MED24: variants seen among roughly 807,000 people sequenced by gnomAD.
MED24 encodes mediator of RNA polymerase II transcription subunit 24.
MED24 carries 74 observed loss-of-function variants against 118.8 expected under a neutral mutation model. The ratio of observed to expected loss-of-function variants is 0.62; its 90% confidence interval spans 0.52 to 0.76. The LOEUF (loss-of-function observed/expected upper bound fraction) is 0.76, where lower values mean the gene tolerates loss of function less well. Ranked by LOEUF, MED24 falls within the 30% of genes least tolerant of loss-of-function variation. MED24 has a pLI of 0.00. For missense variants in MED24, 1,041 were observed against 1,278.9 expected, an observed-to-expected ratio of 0.81 and a Z score of 2.84; for synonymous variants, 521 against 523.9, an observed-to-expected ratio of 0.99 and a Z score of 0.08.
At chr17:40,043,015 G>T (rs1234195706) in intron 3 of MED24, among the ~76,000 whole-genome samples, 2 of 152,216 alleles carry the variant, frequency 1.3e-5, no homozygotes, top group Admixed American at 1.3e-4. Flanking sequence ...GCAGTGATGT[G>T]ATCTCAGCTC....
chr17:40,040,601 GTTT>G (rs925864207), intron 3 of MED24, among the ~76,000 whole-genome samples: 103 of 143,392 alleles, frequency 7.2e-4, no homozygotes, highest in African/African-American at 2.6e-3. Flanking sequence ...ACATATAAAA[GTTT>G]TTTTTTTTAA....
Position 40,021,565 on chromosome 17 carries a change from C to T in MED24, c.2623+390G>A, listed in dbSNP as rs546202089. Among the ~76,000 whole-genome samples, 310 of 152,344 alleles carry T rather than the reference C, an allele frequency of 2.0e-3. 5 individuals carry two copies. Among genetic ancestry groups the T allele is most frequent in the Middle Eastern group, 0.017 (5 of 294 alleles). ...CCCCATGCCCCAGCCCGGGCCTCTCCGGGCATGTTTTGGGGGAAGGAAGGA... is the reference window on the plus strand; with the variant it reads ...CCCCATGCCCCAGCCCGGGCCTCTCTGGGCATGTTTTGGGGGAAGGAAGGA... On this transcript the variant is annotated intron_variant, in intron 23 of 25. Coordinates refer to ENST00000394128, the MANE Select transcript of MED24 (RefSeq NM_014815.4).
At position 40,019,809 on chromosome 17, in the gene MED24, GAC is replaced by G; in HGVS notation, c.2827_2828del (p.Val943ProfsTer41). Reference sequence around the variant, plus strand: ...CGGTGGTGAAGGGCATGAACTGCAGGACGCTGCCACGGCCACCCTGCTCCAGG... The same window carrying G: ...CGGTGGTGAAGGGCATGAACTGCAGGGCTGCCACGGCCACCCTGCTCCAGG... The part of the protein sequence containing the change: ...DCLEQGGRGS[V>X]LQFMPFTTVS... On this transcript the variant is annotated frameshift_variant, in exon 25 of 26. Coordinates refer to ENST00000394128, the MANE Select transcript of MED24 (RefSeq NM_014815.4). LOFTEE classifies it high-confidence loss of function. The G allele has an allele frequency of 1.2e-6, 2 of 1,608,788 alleles. No individual in the cohort carries two copies. The highest frequency in any genetic ancestry group is 1.7e-6 in the Non-Finnish European group (2 of 1,177,438).
rs1379488765 is a variant in MED24, at chr17:40,032,718, G to A, written c.867C>T (p.Cys289=). ...PLFVLEIWKA[C]FVGLIESPEG... ...CGGGAGACTCAATGAGCCCCACGAA[G>A]CAAGCTTTCCAGATCTCCAGGACAA... Residue 289 remains cysteine, a synonymous_variant, in exon 9 of 26, where the codon TGC becomes TGT. Transcript: ENST00000394128. 11 of 1,613,784 alleles carry A rather than the reference G, an allele frequency of 6.8e-6. No homozygotes were observed. The highest frequency in any genetic ancestry group is 3.3e-5 in the Admixed American group (2 of 59,988).
At position 40,048,162 on chromosome 17, in the gene MED24, C is replaced by T. The variant is rs190069668; in HGVS notation, c.213+5136G>A. ...CTAAAATAAAGTCCAAATTCCTTAG[C>T]ATCACTCAAAAGTCTGTTACAATCT... On this transcript the variant is annotated intron_variant, in intron 3 of 25. Transcript: ENST00000394128. Among the ~76,000 whole-genome samples the T allele has an allele frequency of 2.9e-3, 436 of 152,348 alleles. 3 individuals carry two copies. In the Middle Eastern group the frequency reaches 0.065, roughly 23 times the overall value.
chr17:40,048,271 G>A (rs1985460607), intron 3 of MED24, among the ~76,000 whole-genome samples: 1 of 152,142 alleles, frequency 6.6e-6, no homozygotes, highest in African/African-American at 2.4e-5. Context: ...ACTCCCCAGG[G>A]TCCCCAAGAC....
rs142237214 is a variant in MED24, at chr17:40,028,866, C to T, written c.1369G>A (p.Ala457Thr). 7.4e-6 allele frequency: 12 copies of T among 1,613,706 alleles called. No homozygotes were observed. Among genetic ancestry groups the T allele is most frequent in the African/African-American group, 1.3e-5 (1 of 74,922 alleles). Residue 457 changes from alanine (A) to threonine (T), a missense_variant, in exon 14 of 26, where the codon GCC (alanine) becomes ACC (threonine). Around this residue, in one of 3 missense-constraint regions of MED24, gnomAD observed 20 missense variants for 69.6 expected, o/e 0.29. Transcript: ENST00000394128. The part of the protein sequence containing the change: ...SLDLLLAAAA[A>T]TGKLKSFARK... ...GCGAAGGATTTCAGCTTTCCAGTGG[C>T]GGCGGCGGCAGCCAGCAGCAAGTCC...
intron 16 of MED24, 84 bp from the exon 17 acceptor site, chr17:40,027,118 G>T: frequency 6.7e-7 from 1 of 1,501,032 alleles, no homozygotes; most frequent in Non-Finnish European, 9.1e-7. Context: ...ACTGTTTCCC[G>T]CCAGGCTGCT....
intron 3 of MED24, among the ~76,000 whole-genome samples, chr17:40,045,697 G>A (rs1985094271): frequency 2.0e-5 from 3 of 151,514 alleles, no homozygotes; most frequent in Admixed American, 2.0e-4. Flanking sequence ...GATGGCTTGA[G>A]CCAAGGAGGT....
At chr17:40,053,225 G>A (rs1166467199) in intron 3 of MED24, 73 bp downstream of exon 3, 10 of 1,389,930 alleles carry the variant, frequency 7.2e-6, no homozygotes, top group Middle Eastern at 2.5e-4. Context: ...ATGAACCACC[G>A]GGGCCCAAAT....
chr17:40,026,016 G>A, intron 19 of MED24, 140 bp downstream of exon 19: 1 of 827,238 alleles, frequency 1.2e-6, no homozygotes, highest in Non-Finnish European at 1.9e-6. Flanking sequence ...TCAGATGAGT[G>A]AATGCATGAA....
At chr17:40,019,706 G>T in intron 25 of MED24, 61 bp from the exon 26 acceptor site, 1 of 1,586,408 alleles carries the variant, frequency 6.3e-7, no homozygotes, top group East Asian at 2.2e-5. Context: ...CTGTCCCAGG[G>T]GGAAGGAGGC....
chr17:40,022,599 T>A, intron 21 of MED24, 46 bp downstream of exon 21: 1 of 1,609,256 alleles, frequency 6.2e-7, no homozygotes, highest in East Asian at 2.2e-5. Context: ...GAGGGGTGCT[T>A]GACCCTGGGT....
At chr17:40,023,977 G>C (rs937260023) in intron 19 of MED24, among the ~76,000 whole-genome samples, 11 of 152,284 alleles carry the variant, frequency 7.2e-5, no homozygotes, top group African/African-American at 2.6e-4. Context: ...GTGGCTCTGG[G>C]AAAGTTGCTA....
intron 1 of MED24, 193 bp from the exon 2 acceptor site, chr17:40,053,828 C>CT: frequency 1.4e-6 from 1 of 715,966 alleles, no homozygotes; most frequent in Non-Finnish European, 2.3e-6. Flanking sequence ...CTTCCTTAAA[C>CT]TGGGGCACTA....
At position 40,033,160 on chromosome 17, in the gene MED24, C is replaced by T. The variant is rs747575068; in HGVS notation, c.718G>A (p.Gly240Ser). Residue 240 changes from glycine (G) to serine (S), a missense_variant, in exon 8 of 26, where the codon GGC becomes AGC. Physicochemically the swap from Gly to Ser is moderately conservative, Grantham distance 56. This residue lies in a region of MED24 where 434 missense variants were observed against 514.9 expected (regional missense o/e 0.84). Coordinates refer to ENST00000394128, the MANE Select transcript of MED24 (RefSeq NM_014815.4). This position sits in a 1 kb window ranked among gnomAD's most constrained non-coding sequence, Gnocchi z 5.2. The part of the protein sequence containing the change: ...SVHAEQMHKT[G>S]FPTVHAVILL... ...ATCACGGCGTGGACAGTGGGGAAGCCGGTCTTGTGCATCTGCTCCGCATGC... is the reference window on the plus strand; with the variant it reads ...ATCACGGCGTGGACAGTGGGGAAGCTGGTCTTGTGCATCTGCTCCGCATGC... 9.3e-6 allele frequency: 15 copies of T among 1,613,944 alleles called. No homozygotes were observed. The highest frequency in any genetic ancestry group is 7.7e-5 in the South Asian group (7 of 91,082).
chr17:40,022,027 C>T lies in MED24; in HGVS notation c.2551G>A (p.Asp851Asn), dbSNP rs1372480226. Residue 851 changes from aspartate (D) to asparagine (N), a missense_variant, in exon 23 of 26, where the codon GAT (aspartate) becomes AAT (asparagine). Physicochemically the swap from Asp to Asn is conservative, Grantham distance 23. Transcript: ENST00000394128. ...CGCATCAACTTCGAAGGCTGCACAT[C>T]GTCCAGGGGGAAGAGGCTGATATAA... The part of the protein sequence containing the change: ...EDYISLFPLD[D>N]VQPSKLMRLL... 5.0e-6 allele frequency: 8 copies of T among 1,611,138 alleles called. No homozygotes were observed. The highest frequency in any genetic ancestry group is 2.2e-5 in the East Asian group (1 of 44,766).
intron 12 of MED24, 41 bp from the exon 13 acceptor site, chr17:40,029,900 G>T: frequency 6.3e-7 from 1 of 1,579,940 alleles, no homozygotes; most frequent in Non-Finnish European, 8.7e-7. Flanking sequence ...GAAGAGGAAT[G>T]AAGAGAAATT....
Position 40,023,332 on chromosome 17 carries a change from C to A in MED24, c.2049G>T (p.Thr683=), listed in dbSNP as rs140671155. Residue 683 remains threonine (T), a synonymous_variant, in exon 20 of 26, where the codon ACG becomes ACT. Coordinates refer to ENST00000394128, the MANE Select transcript of MED24 (RefSeq NM_014815.4). ...CCCCGGTGGAGGGAAACTTGATCTG[C>A]GTGGCTGTCTGCTGCAGCACGTCGG... ...MCADVLQQTA[T]QIKFPSTGVD... 2 of 1,613,608 alleles carry A rather than the reference C, an allele frequency of 1.2e-6. No individual in the cohort carries two copies. The highest frequency in any genetic ancestry group is 1.7e-6 in the Non-Finnish European group (2 of 1,179,724).
Sources: gnomAD v4.1 joint callset for allele counts (sites outside exome capture counted in the v4.1 genomes callset) on GRCh38, gnomAD v4.1.1 for gene constraint, gnomAD v4.1.1 regional missense constraint, Gnocchi (gnomAD v3.1) non-coding constraint, MANE v1.5 for transcripts, NCBI Gene and HGNC (gene_info 2026-07-23, HGNC 2026-07-21) for gene names.